The following CPA6 variants were observed in gnomAD, a reference collection of about 807,000 sequenced individuals.
CPA6 encodes the protein carboxypeptidase B.
CPA6 carries 58 observed loss-of-function variants against 63.3 expected under a neutral mutation model. That is an observed-to-expected ratio of 0.92 (90% CI 0.74 to 1.14). The LOEUF (loss-of-function observed/expected upper bound fraction) is 1.14, where lower values mean the gene tolerates loss of function less well. CPA6 is among the 50% of genes most tolerant of loss of function. The pLI, the probability that CPA6 is intolerant of heterozygous loss-of-function variation, is 0.00. For missense variants in CPA6, 565 were observed against 526.6 expected (o/e 1.07, Z -0.71); for synonymous variants, 185 against 179.0 (o/e 1.03, Z -0.27).
intron 1 of CPA6, among the ~76,000 whole-genome samples, chr8:67,727,226 A>C (rs745540660): frequency 2.0e-5 from 3 of 152,162 alleles, no homozygotes; most frequent in Non-Finnish European, 4.4e-5. Context: ...TTCCCCCCAG[A>C]TATAGTTAAC....
intron 1 of CPA6, among the ~76,000 whole-genome samples, chr8:67,682,354 C>T (rs1387695799): frequency 1.3e-5 from 2 of 152,120 alleles, no homozygotes; most frequent in East Asian, 1.9e-4. Flanking sequence ...ATTTTTACAA[C>T]TGTAATTATC....
chr8:67,519,864 A>T (rs1812224537), intron 2 of CPA6, among the ~76,000 whole-genome samples: 2 of 152,246 alleles, frequency 1.3e-5, no homozygotes, highest in South Asian at 4.1e-4. Flanking sequence ...TTCACATTTA[A>T]CAAGATTGTC....
At chr8:67,503,468 ATTTT>A (rs869172205) in intron 6 of CPA6, among the ~76,000 whole-genome samples, 14 of 126,028 alleles carry the variant, frequency 1.1e-4, no homozygotes, top group African/African-American at 4.1e-4. Context: ...AGCTAATTAA[ATTTT>A]TTTTTTTTTT....
chr8:67,492,287 C>G (rs1811623251), intron 6 of CPA6, among the ~76,000 whole-genome samples: 1 of 151,954 alleles, frequency 6.6e-6, no homozygotes, highest in Non-Finnish European at 1.5e-5. Context: ...CCTGGCAACA[C>G]TTCACATTAA....
At chr8:67,569,557 A>G (rs1813430884) in intron 2 of CPA6, 9 of 466,742 alleles carry the variant, frequency 1.9e-5, no homozygotes. Context: ...ACAGGCAACG[A>G]CCACACAACA....
At chr8:67,592,835 G>A (rs918973388) in intron 2 of CPA6, among the ~76,000 whole-genome samples, 2 of 152,062 alleles carry the variant, frequency 1.3e-5, no homozygotes, top group Admixed American at 6.6e-5. Context: ...CAAAAAACCA[G>A]CTCCTGGATT....
At chr8:67,621,136 T>C (rs1288770831) in intron 2 of CPA6, among the ~76,000 whole-genome samples, 1 of 152,202 alleles carries the variant, frequency 6.6e-6, no homozygotes, top group Non-Finnish European at 1.5e-5. Flanking sequence ...CACAAGTTGT[T>C]ACTGATGGAA....
At chr8:67,584,879 C>T (rs981777293) in intron 2 of CPA6, among the ~76,000 whole-genome samples, 14 of 152,110 alleles carry the variant, frequency 9.2e-5, no homozygotes, top group African/African-American at 2.2e-4. Context: ...CCAACATCTC[C>T]GATGTGGTTG....
chr8:67,497,990 T>C (rs1811756873), intron 6 of CPA6, among the ~76,000 whole-genome samples: 1 of 152,152 alleles, frequency 6.6e-6, no homozygotes, highest in Non-Finnish European at 1.5e-5. Context: ...TCAAGTCCAT[T>C]ACTTTTAAGT....
At chr8:67,679,206 A>C (rs1476026870) in intron 1 of CPA6, among the ~76,000 whole-genome samples, 1 of 152,234 alleles carries the variant, frequency 6.6e-6, no homozygotes, top group Non-Finnish European at 1.5e-5. Flanking sequence ...TATACCCATA[A>C]AAAGTTGACA....
chr8:67,705,174 T>A (rs1370610528), intron 1 of CPA6, among the ~76,000 whole-genome samples: 2 of 152,084 alleles, frequency 1.3e-5, no homozygotes, highest in East Asian at 3.9e-4. Flanking sequence ...GGGAAAAAGT[T>A]CCGCACAGCT....
intron 1 of CPA6, among the ~76,000 whole-genome samples, chr8:67,733,422 T>C (rs1817753685): frequency 6.6e-6 from 1 of 151,126 alleles, no homozygotes; most frequent in African/African-American, 2.4e-5. Context: ...TCACCTCCTC[T>C]TTCCCACGCG....
At chr8:67,434,552 A>T (rs1252049221) in intron 8 of CPA6, among the ~76,000 whole-genome samples, 1 of 152,250 alleles carries the variant, frequency 6.6e-6, no homozygotes, top group Non-Finnish European at 1.5e-5. Context: ...ACAATAGTAC[A>T]GCAAGTGTTC....
At chr8:67,617,164 G>A (rs1814976730) in intron 2 of CPA6, among the ~76,000 whole-genome samples, 1 of 152,164 alleles carries the variant, frequency 6.6e-6, no homozygotes, top group Non-Finnish European at 1.5e-5. Context: ...ATTAAATAAA[G>A]GATCACTGGG....
At chr8:67,643,505 G>T (rs913542025) in intron 1 of CPA6, among the ~76,000 whole-genome samples, 2 of 151,842 alleles carry the variant, frequency 1.3e-5, no homozygotes, top group Admixed American at 6.6e-5. Context: ...ATAGATTTCA[G>T]AAGTGACTAT....
intron 2 of CPA6, among the ~76,000 whole-genome samples, chr8:67,551,171 A>G (rs1044057195): frequency 6.6e-6 from 1 of 152,150 alleles, no homozygotes; most frequent in Non-Finnish European, 1.5e-5. Flanking sequence ...GAGGTCTTAC[A>G]TTGAAATCTT....
At chr8:67,729,287 A>G (rs894560419) in intron 1 of CPA6, among the ~76,000 whole-genome samples, 1 of 152,224 alleles carries the variant, frequency 6.6e-6, no homozygotes. Context: ...TTAATGGAAA[A>G]TCTGCACATA....
At position 67,670,125 on chromosome 8, in the gene CPA6, G is replaced by A. The variant is rs527485431; in HGVS notation, c.117-45874C>T. 7.1e-4 allele frequency among the ~76,000 whole-genome samples: 108 copies of A among 152,274 alleles called. 3 individuals carry two copies. The South Asian group carries it at 0.021, about 30-fold the overall frequency. On this transcript the variant is annotated intron_variant, in intron 1 of 10. Transcript: ENST00000297770. ...GTAGAATACATGCCTATTAGCACAC[G>A]TATTTGTCCATTGTCACACTGCTAT...
intron 8 of CPA6, among the ~76,000 whole-genome samples, chr8:67,480,515 G>A (rs993983248): frequency 1.3e-5 from 2 of 152,100 alleles, no homozygotes; most frequent in Non-Finnish European, 2.9e-5. Context: ...TTCTTGTTAT[G>A]CCCAAATAAT....
Sources: gnomAD v4.1 joint callset for allele counts (sites outside exome capture counted in the v4.1 genomes callset) on GRCh38, gnomAD v4.1.1 for gene constraint, MANE v1.5 for transcripts, NCBI Gene and HGNC (gene_info 2026-07-23, HGNC 2026-07-21) for gene names.